Variants in SAMSN1 observed in about 807,000 individuals in gnomAD.
SAMSN1 encodes SAM domain-containing protein SAMSN-1.
In SAMSN1, 31 loss-of-function variants were observed where a neutral mutation model predicts 42.0. That is an observed-to-expected ratio of 0.74 (90% CI 0.55 to 1.00). The LOEUF is 1.00. Among genes scored for constraint, SAMSN1 ranks in the 50% least tolerant of loss-of-function variants. The pLI, the probability that SAMSN1 is intolerant of heterozygous loss-of-function variation, is 0.00. For synonymous variants in SAMSN1, 178 were observed against 151.9 expected (o/e 1.17, Z -1.26); for missense variants, 464 against 439.4 (o/e 1.06, Z -0.50).
upstream of SAMSN1, among the ~76,000 whole-genome samples, chr21:14,585,810 A>C (rs1054872020): frequency 2.6e-5 from 4 of 152,168 alleles, no homozygotes; most frequent in Non-Finnish European, 5.9e-5. Flanking sequence ...TCCATAGTAC[A>C]TGTTTGATAC....
At chr21:14,561,184 A>C (rs1011965076) in intron 2 of SAMSN1, among the ~76,000 whole-genome samples, 2 of 152,050 alleles carry the variant, frequency 1.3e-5, no homozygotes, top group East Asian at 3.9e-4. Flanking sequence ...TCAACTGGTC[A>C]TGTGGCCTCA....
chr21:14,493,490 T>C (rs1237486969), intron 7 of SAMSN1, among the ~76,000 whole-genome samples: 2 of 151,930 alleles, frequency 1.3e-5, no homozygotes, highest in Admixed American at 6.6e-5. Flanking sequence ...AGATGTTTAC[T>C]ATAAACAACA....
chr21:14,504,531 A>G (rs1216204922), intron 5 of SAMSN1, among the ~76,000 whole-genome samples: 1 of 152,238 alleles, frequency 6.6e-6, no homozygotes, highest in African/African-American at 2.4e-5. Flanking sequence ...AGGTCTTTGA[A>G]ATTATCCAAA....
intron 1 of SAMSN1, among the ~76,000 whole-genome samples, chr21:14,538,193 G>T (rs377299652): frequency 6.6e-6 from 1 of 152,096 alleles, no homozygotes; most frequent in Non-Finnish European, 1.5e-5. Context: ...TATAGCCACC[G>T]TTTTTTAAAG....
intron 2 of SAMSN1, chr21:14,642,918 C>A: frequency 1.7e-6 from 1 of 594,516 alleles, no homozygotes; most frequent in South Asian, 2.3e-5. Context: ...TGAATTTTTG[C>A]TGTATTAATA....
chr21:14,532,218 G>A (rs1979313934), intron 1 of SAMSN1, among the ~76,000 whole-genome samples: 1 of 152,136 alleles, frequency 6.6e-6, no homozygotes, highest in South Asian at 2.1e-4. Flanking sequence ...CTGACAGAAA[G>A]TTCTTTTTTG....
Position 14,600,090 on chromosome 21 carries a change from T to G in SAMSN1, c.399+1933A>C, listed in dbSNP as rs190379858. Among the ~76,000 whole-genome samples, 112 of 152,260 alleles carry G rather than the reference T, an allele frequency of 7.4e-4. 1 individual carries two copies. In the South Asian group the frequency reaches 7.9e-3, roughly 11 times the overall value. ...CTCCAGTTGAGGCTGATACAGACAG[T>G]TCTCAGATACACTTGGAAAAACACT... On this transcript the variant is annotated intron_variant, in intron 6 of 15. Coordinates refer to the SAMSN1 transcript ENST00000647101.
intron 2 of SAMSN1, among the ~76,000 whole-genome samples, chr21:14,630,430 A>G (rs1983299968): frequency 1.3e-5 from 2 of 151,152 alleles, no homozygotes; most frequent in East Asian, 3.9e-4. Flanking sequence ...CATGGCTTTC[A>G]TCAGATTCAA....
chr21:14,514,958 A>G (rs2822713), intron 3 of SAMSN1, among the ~76,000 whole-genome samples: 49,073 of 151,994 alleles, frequency 0.32, 8,151 homozygotes, highest in Non-Finnish European at 0.35. Flanking sequence ...TGTAGATTCA[A>G]TGGAGCATCC....
Position 14,615,637 on chromosome 21 carries a change from T to C in SAMSN1, c.197+339A>G, listed in dbSNP as rs148948952. Among the ~76,000 whole-genome samples, 47 of 152,286 alleles carry C rather than the reference T, an allele frequency of 3.1e-4. No individual in the cohort carries two copies. In the East Asian group the frequency reaches 7.9e-3, roughly 26 times the overall value. On this transcript the variant is annotated intron_variant, in intron 3 of 15. Transcript: ENST00000647101. ...AACTCTTTGCAAACACATTTTTATG[T>C]GGATTAGAAAAATACTTCAGAAGAT...
intron 2 of SAMSN1, among the ~76,000 whole-genome samples, chr21:14,558,495 A>C (rs147767962): frequency 6.6e-6 from 1 of 152,186 alleles, no homozygotes; most frequent in East Asian, 1.9e-4. Flanking sequence ...CCTGGGCAAC[A>C]TGGGGAAACA....
chr21:14,539,910 T>C (rs1051149687), intron 1 of SAMSN1, among the ~76,000 whole-genome samples: 24 of 152,056 alleles, frequency 1.6e-4, no homozygotes, highest in Non-Finnish European at 4.4e-5. Flanking sequence ...AAGACTACAG[T>C]AACAAAACAG....
At chr21:14,529,761 G>A (rs1025461546) in intron 1 of SAMSN1, among the ~76,000 whole-genome samples, 16 of 152,122 alleles carry the variant, frequency 1.1e-4, no homozygotes, top group African/African-American at 3.9e-4. Context: ...AAGTTAAAAT[G>A]TATAGTAGAT....
At position 14,600,879 on chromosome 21, in the gene SAMSN1, A is replaced by G. The variant is rs936628177; in HGVS notation, c.399+1144T>C. ...ATTAAGCCCTTGAAAGAGTAAGAGG[A>G]GAAGGAGGGTGAGGGAGAAGAGGAA... On this transcript the variant is annotated intron_variant, in intron 6 of 15. Transcript: ENST00000647101. Among the ~76,000 whole-genome samples the G allele has an allele frequency of 2.6e-5, 4 of 152,156 alleles. No individual in the cohort carries two copies. The East Asian group carries it at 7.7e-4, about 29-fold the overall frequency.
At chr21:14,566,544 A>T (rs1044787120) in intron 2 of SAMSN1, among the ~76,000 whole-genome samples, 11 of 151,478 alleles carry the variant, frequency 7.3e-5, no homozygotes, top group African/African-American at 2.2e-4. Flanking sequence ...ATATATATAA[A>T]ATTTTTTTTT....
chr21:14,591,850 G>GT lies in SAMSN1; in HGVS notation c.465+2162dup, dbSNP rs375412429. On this transcript the variant is annotated intron_variant, in intron 7 of 15. Transcript: ENST00000647101. ...GCAGATTTTGATGTGCATAATTCTGGTTTTGGAATAACATGCCCTCTGAGA... is the reference window on the plus strand; with the variant it reads ...GCAGATTTTGATGTGCATAATTCTGGTTTTTGGAATAACATGCCCTCTGAGA... The GT allele has an allele frequency of 2.6e-4, 39 of 152,130 alleles. 1 individual carries two copies. Among genetic ancestry groups the GT allele is most frequent in the African/African-American group, 8.7e-4 (36 of 41,490 alleles). The allele number at this position is 152,130 out of a possible 1,614,324, so 9.4% of individuals were successfully genotyped here.
chr21:14,645,501 C>T (rs556201098), intron 1 of SAMSN1, among the ~76,000 whole-genome samples: 9 of 152,208 alleles, frequency 5.9e-5, no homozygotes, highest in Admixed American at 1.3e-4. Context: ...TTACAAAACA[C>T]AAGTCCTTTC....
At chr21:14,652,190 T>A (rs985796814) in intron 1 of SAMSN1, among the ~76,000 whole-genome samples, 1 of 151,454 alleles carries the variant, frequency 6.6e-6, no homozygotes, top group Non-Finnish European at 1.5e-5. Flanking sequence ...GGAAAAAAAA[T>A]CCTAAAATTT....
At chr21:14,533,916 T>C (rs181670496) in intron 1 of SAMSN1, among the ~76,000 whole-genome samples, 6 of 152,306 alleles carry the variant, frequency 3.9e-5, no homozygotes, top group Admixed American at 3.3e-4. Context: ...GAGAAGTCTG[T>C]CCAGCCAAAA....
Sources: gnomAD v4.1 joint callset for allele counts (sites outside exome capture counted in the v4.1 genomes callset) on GRCh38, gnomAD v4.1.1 for gene constraint, MANE v1.5 for transcripts, NCBI Gene and HGNC (gene_info 2026-07-23, HGNC 2026-07-21) for gene names.